Variants in GPATCH8 observed in about 807,000 individuals in gnomAD.
GPATCH8 encodes G patch domain-containing protein 8.
Under a neutral mutation model 118.3 loss-of-function variants are expected in GPATCH8, and 18 were observed. The observed-to-expected ratio is 0.15, with a 90% CI of 0.11 to 0.23. The LOEUF (loss-of-function observed/expected upper bound fraction) is 0.23. Ranked by LOEUF, GPATCH8 falls within the 10% of genes least tolerant of loss-of-function variation. The pLI is 1.00. For synonymous variants in GPATCH8, 659 were observed against 684.7 expected, an observed-to-expected ratio of 0.96 and a Z score of 0.59; for missense variants, 1,631 against 1,873.8, an observed-to-expected ratio of 0.87 and a Z score of 2.39.
rs1567968985 is a variant in GPATCH8 at position 44,424,394 on chromosome 17, C to T, written c.447G>A (p.Gln149=). The stretch of plus-strand genomic sequence containing the variant: ...AGGAGTTGATATGGTTATCAAATTC[C>T]TGATGTTTCTGATATTGCTTATCAC... ...ELCDKQYQKH[Q]EFDNHINSYD... The change falls in exon 6 of 8, where the codon CAG becomes CAA. Residue 149 remains glutamine (Q), a synonymous_variant. Coordinates refer to ENST00000591680, the MANE Select transcript of GPATCH8 (RefSeq NM_001002909.4). The T allele has an allele frequency of 6.2e-7, 1 of 1,603,184 alleles. No individual in the cohort carries two copies. Among genetic ancestry groups the T allele is most frequent in the Non-Finnish European group, 8.5e-7 (1 of 1,169,982 alleles).
chr17:44,482,798 T>TA (rs1396840919), intron 1 of GPATCH8, among the ~76,000 whole-genome samples: 3 of 151,760 alleles, frequency 2.0e-5, no homozygotes, highest in South Asian at 4.2e-4. Flanking sequence ...AAAACTAAAC[T>TA]AAAAAACATG....
intron 2 of GPATCH8, chr17:44,473,303 T>A (rs986252068): frequency 6.6e-6 from 1 of 151,942 alleles, no homozygotes; most frequent in African/African-American, 2.4e-5. Flanking sequence ...CCCGGCTAAT[T>A]TTTTACATTT....
intron 1 of GPATCH8, among the ~76,000 whole-genome samples, chr17:44,483,584 G>A (rs1968516923): frequency 6.6e-6 from 1 of 151,182 alleles, no homozygotes; most frequent in South Asian, 2.1e-4. Flanking sequence ...TTTTTCTTTT[G>A]AATTTCATAC....
chr17:44,419,691 T>C (rs1055878492), intron 6 of GPATCH8, among the ~76,000 whole-genome samples: 1 of 151,832 alleles, frequency 6.6e-6, no homozygotes. Context: ...GACAGAGTCT[T>C]GCTCTGTCAC....
rs773009678 is a variant in GPATCH8, at chr17:44,396,894, T to C, written c.*674A>G. On this transcript the variant is annotated 3_prime_UTR_variant, in exon 8 of 8. Coordinates refer to ENST00000591680, the MANE Select transcript of GPATCH8 (RefSeq NM_001002909.4). ...ACAGCTTTTATTCATGATAGGATCT[T>C]CTTTTCTGGGATATGGAGATGCCTC... is the stretch of plus-strand genomic sequence containing the variant. 4.4e-6 allele frequency: 2 copies of C among 454,228 alleles called. No individual in the cohort carries two copies. The highest frequency in any genetic ancestry group is 3.1e-5 in the South Asian group (2 of 64,470). The allele number at this position is 454,228 out of a possible 1,614,324, so 28.1% of individuals were successfully genotyped here. A position where few individuals can be genotyped will look rare whatever the true frequency, so the allele number is the denominator to read the frequency against.
chr17:44,406,328 G>A (rs951338838), intron 6 of GPATCH8, among the ~76,000 whole-genome samples: 2 of 152,032 alleles, frequency 1.3e-5, no homozygotes, highest in African/African-American at 4.8e-5. Flanking sequence ...AGAACACTGG[G>A]AGGAAAGAAA....
intron 4 of GPATCH8, 48 bp downstream of exon 4, chr17:44,436,430 T>C (rs758115769): frequency 2.4e-6 from 2 of 828,206 alleles, no homozygotes; most frequent in Non-Finnish European, 4.3e-6. Context: ...GAATTAGTAT[T>C]ATTTCAAAAT....
intron 5 of GPATCH8, among the ~76,000 whole-genome samples, chr17:44,431,815 A>C (rs996000907): frequency 6.6e-6 from 1 of 151,994 alleles, no homozygotes; most frequent in Non-Finnish European, 1.5e-5. Flanking sequence ...AGTCTTGGTT[A>C]CTTGGGAGGC....
intron 1 of GPATCH8, among the ~76,000 whole-genome samples, chr17:44,476,100 T>G (rs1424553495): frequency 1.3e-5 from 2 of 152,198 alleles, no homozygotes; most frequent in Non-Finnish European, 2.9e-5. Context: ...CTAACAAGTG[T>G]TGAAATTGTA....
chr17:44,460,491 C>T (rs1032353872), intron 3 of GPATCH8, among the ~76,000 whole-genome samples: 15 of 152,136 alleles, frequency 9.9e-5, no homozygotes, highest in African/African-American at 3.4e-4. Flanking sequence ...CCAGAGTCTG[C>T]ATGCCCTATT....
At chr17:44,414,388 C>G (rs187567806) in intron 6 of GPATCH8, among the ~76,000 whole-genome samples, 4 of 152,018 alleles carry the variant, frequency 2.6e-5, no homozygotes, top group Middle Eastern at 3.4e-3. Flanking sequence ...CTCACTGCAG[C>G]CTCGACCTCC....
intron 3 of GPATCH8, among the ~76,000 whole-genome samples, chr17:44,441,730 C>T (rs1339267635): frequency 7.0e-6 from 1 of 143,230 alleles, no homozygotes; most frequent in African/African-American, 2.6e-5. Flanking sequence ...TCCCCCCGCC[C>T]CCCAAAAAAA....
In GPATCH8 at chr17:44,400,401, G is replaced by C. The variant is rs1567933358; in HGVS notation, c.1676C>G (p.Thr559Ser). Reference protein sequence around the residue: ...LQWPSELLIFTKAEPSISYSC... With the variant: ...LQWPSELLIFSKAEPSISYSC... Reference sequence around the variant, plus strand: ...GTATGAAATGGAGGGTTCTGCCTTGGTGAAAATTAATAGTTCTGATGGCCA... The same window carrying C: ...GTATGAAATGGAGGGTTCTGCCTTGCTGAAAATTAATAGTTCTGATGGCCA... Residue 559 changes from threonine to serine, a missense_variant, in exon 8 of 8, where the codon ACC becomes AGC. Coordinates refer to ENST00000591680, the MANE Select transcript of GPATCH8 (RefSeq NM_001002909.4). The C allele has an allele frequency of 9.3e-6, 15 of 1,613,782 alleles. No homozygotes were observed. Among genetic ancestry groups the C allele is most frequent in the Non-Finnish European group, 1.2e-5 (14 of 1,179,696 alleles).
At position 44,400,953 on chromosome 17, in the gene GPATCH8, G is replaced by A; in HGVS notation, c.1124C>T (p.Ser375Phe). Reference sequence around the variant, plus strand: ...TTCTCGTTTCATCCTTTTTAATTTGGATAATGTTGAGGCAAGGGACCCTCC... The same window carrying A: ...TTCTCGTTTCATCCTTTTTAATTTGAATAATGTTGAGGCAAGGGACCCTCC... ...QDGGSLASTL[S>F]KLKRMKREEG... is the part of the protein sequence containing the mutation. The change falls in exon 8 of 8, where the codon TCC becomes TTC. Residue 375 changes from serine to phenylalanine, a missense_variant. Ser to Phe is a radical substitution (Grantham distance 155, BLOSUM62 -2). Around this residue, in one of 8 missense-constraint regions of GPATCH8, gnomAD observed 405 missense variants for 462.7 expected, o/e 0.88. Transcript: ENST00000591680. The A allele has an allele frequency of 6.2e-7, 1 of 1,614,064 alleles. No individual in the cohort carries two copies.
At chr17:44,443,131 A>G (rs1003673105) in intron 3 of GPATCH8, among the ~76,000 whole-genome samples, 3 of 152,210 alleles carry the variant, frequency 2.0e-5, no homozygotes, top group African/African-American at 4.8e-5. Flanking sequence ...CCAAGAACCT[A>G]CACTGACATC....
At chr17:44,479,454 T>G (rs543729580) in intron 1 of GPATCH8, among the ~76,000 whole-genome samples, 1 of 152,264 alleles carries the variant, frequency 6.6e-6, no homozygotes, top group East Asian at 1.9e-4. Context: ...AATTTTAATG[T>G]TTTCAATTAA....
intron 3 of GPATCH8, among the ~76,000 whole-genome samples, chr17:44,464,253 T>G (rs559934805): frequency 6.6e-6 from 1 of 152,320 alleles, no homozygotes; most frequent in Admixed American, 6.5e-5. Context: ...CTTGAAAGTT[T>G]CGATGACACA....
At chr17:44,444,550 A>G (rs992541413) in intron 3 of GPATCH8, among the ~76,000 whole-genome samples, 4 of 152,200 alleles carry the variant, frequency 2.6e-5, no homozygotes, top group Non-Finnish European at 5.9e-5. Flanking sequence ...AGGCAGGCAG[A>G]CTACTTGAGG....
intron 3 of GPATCH8, among the ~76,000 whole-genome samples, chr17:44,449,755 CGCCCGCCT>C (rs1297726075): frequency 2.0e-5 from 3 of 152,056 alleles, no homozygotes; most frequent in Non-Finnish European, 2.9e-5. Context: ...TCAGGTGATC[CGCCCGCCT>C]CAGCCTCCCA....
Sources: allele counts gnomAD v4.1 joint callset (sites outside exome capture counted in the v4.1 genomes callset), GRCh38; gene constraint gnomAD v4.1.1; regional missense constraint gnomAD v4.1.1; transcripts MANE v1.5; gene names NCBI Gene and HGNC (gene_info 2026-07-23, HGNC 2026-07-21).